The following HTRA1 variants were observed in gnomAD, a reference collection of about 807,000 sequenced individuals.
HTRA1 encodes the protein HtrA serine peptidase 1, also known as serine protease HTRA1.
In HTRA1, 26 loss-of-function variants were observed where a neutral mutation model predicts 49.7. That is an observed-to-expected ratio of 0.52 (90% CI 0.38 to 0.73). The LOEUF (loss-of-function observed/expected upper bound fraction) is 0.73, where lower values mean the gene tolerates loss of function less well. Ranked by LOEUF, HTRA1 falls within the 30% of genes least tolerant of loss-of-function variation. The probability of loss-of-function intolerance (pLI) is 0.00; values close to 1 mark genes in which losing one functional copy is unlikely to be tolerated. For synonymous variants in HTRA1, 291 were observed against 286.9 expected (o/e 1.01, Z -0.14); for missense variants, 561 against 667.2 (o/e 0.84, Z 1.75).
At chr10:122,484,340 G>A (rs1340118860) in intron 1 of HTRA1, among the ~76,000 whole-genome samples, 1 of 152,174 alleles carries the variant, frequency 6.6e-6, no homozygotes, top group Non-Finnish European at 1.5e-5. Flanking sequence ...TCTCCCTTCT[G>A]TAGTGTCTGT....
chr10:122,464,526 G>T lies in HTRA1; in HGVS notation c.472+2402G>T, dbSNP rs1671128636. On this transcript the variant is annotated intron_variant, in intron 1 of 8. Coordinates refer to ENST00000368984, the MANE Select transcript of HTRA1 (RefSeq NM_002775.5). The surrounding 1 kb of genome is among the most constrained non-coding windows in gnomAD (Gnocchi z 4.8). ...CTGTCTGGCACATCGGAGGTACTTG[G>T]TACGAGTGGATTAGTGAATGAATAA... Among the ~76,000 whole-genome samples, 1 of 152,224 alleles carries T rather than the reference G, an allele frequency of 6.6e-6. No homozygotes were observed. The highest frequency in any genetic ancestry group is 2.1e-4 in the South Asian group (1 of 4,824).
chr10:122,473,613 T>G (rs988402213), intron 1 of HTRA1, among the ~76,000 whole-genome samples: 9 of 152,178 alleles, frequency 5.9e-5, no homozygotes, highest in African/African-American at 1.9e-4. Context: ...ACTATAAAAT[T>G]TACCCCTTTA....
chr10:122,477,952 G>T (rs2097489385), intron 1 of HTRA1, among the ~76,000 whole-genome samples: 1 of 152,272 alleles, frequency 6.6e-6, no homozygotes, highest in African/African-American at 2.4e-5. Context: ...GACAGGGGAG[G>T]CGGATAAGCT....
At chr10:122,496,021 C>G (rs2097498431) in intron 3 of HTRA1, among the ~76,000 whole-genome samples, 2 of 152,086 alleles carry the variant, frequency 1.3e-5, no homozygotes, top group Admixed American at 1.3e-4. Flanking sequence ...GCCCGTGAAG[C>G]CAAAAATATT....
intron 3 of HTRA1, among the ~76,000 whole-genome samples, chr10:122,504,190 C>T (rs774963458): frequency 6.6e-6 from 1 of 152,206 alleles, no homozygotes; most frequent in Non-Finnish European, 1.5e-5. Flanking sequence ...GGCTCCCCCG[C>T]CCCAGCCTCA....
chr10:122,514,015 A>G (rs1174438314), intron 8 of HTRA1, among the ~76,000 whole-genome samples, 176 bp from the exon 9 acceptor site: 1 of 151,896 alleles, frequency 6.6e-6, no homozygotes, highest in Non-Finnish European at 1.5e-5. Flanking sequence ...CTGGGATTAC[A>G]GGCATGAGCC....
intron 3 of HTRA1, among the ~76,000 whole-genome samples, chr10:122,501,812 C>G (rs190204773): frequency 6.6e-6 from 1 of 151,970 alleles, no homozygotes; most frequent in Non-Finnish European, 1.5e-5. Flanking sequence ...ATGGTGGTGG[C>G]CGTCTTGTGG....
chr10:122,470,900 A>C (rs923804637), intron 1 of HTRA1, among the ~76,000 whole-genome samples: 16 of 152,170 alleles, frequency 1.1e-4, no homozygotes, highest in African/African-American at 3.4e-4. Flanking sequence ...TGTCCTACTG[A>C]GACATGATAG....
intron 3 of HTRA1, among the ~76,000 whole-genome samples, chr10:122,497,585 G>A (rs1245844627): frequency 1.3e-5 from 2 of 152,160 alleles, no homozygotes; most frequent in African/African-American, 2.4e-5. Context: ...GGAGATACAA[G>A]CTGTTCCCTT....
intron 1 of HTRA1, among the ~76,000 whole-genome samples, chr10:122,484,344 T>C (rs969935366): frequency 6.6e-6 from 1 of 152,176 alleles, no homozygotes; most frequent in African/African-American, 2.4e-5. Context: ...CCTTCTGTAG[T>C]GTCTGTGGGG....
At chr10:122,512,823 C>T (rs898536465) in intron 8 of HTRA1, among the ~76,000 whole-genome samples, 3 of 152,094 alleles carry the variant, frequency 2.0e-5, no homozygotes, top group Non-Finnish European at 4.4e-5. Flanking sequence ...ACACTGAACC[C>T]AATTTGTAGT....
At chr10:122,509,970 C>T (rs887586380) in intron 6 of HTRA1, 126 bp from the exon 7 acceptor site, 16 of 786,840 alleles carry the variant, frequency 2.0e-5, no homozygotes, top group South Asian at 7.1e-5. Flanking sequence ...GGATTTGAGC[C>T]GCAACCTCAG....
chr10:122,493,983 C>G (rs924427080), intron 3 of HTRA1, among the ~76,000 whole-genome samples: 1 of 152,126 alleles, frequency 6.6e-6, no homozygotes, highest in Non-Finnish European at 1.5e-5. Flanking sequence ...ATGCAGCCAA[C>G]CTTCCTGTCC....
chr10:122,468,238 C>T (rs1403430119), intron 1 of HTRA1, among the ~76,000 whole-genome samples: 1 of 152,136 alleles, frequency 6.6e-6, no homozygotes, highest in Non-Finnish European at 1.5e-5. Context: ...TGGGTGACTT[C>T]ATCTCTAAGT....
At chr10:122,505,497 C>T (rs2097502656) in intron 3 of HTRA1, among the ~76,000 whole-genome samples, 1 of 152,168 alleles carries the variant, frequency 6.6e-6, no homozygotes. Flanking sequence ...CCTGCTCTGT[C>T]TCGAGTCACC....
In HTRA1 at chr10:122,487,976, G is replaced by T. The variant is rs2097493813; in HGVS notation, c.473-926G>T. 6.6e-6 allele frequency among the ~76,000 whole-genome samples: 1 copy of T among 152,122 alleles called. No individual in the cohort carries two copies. Among genetic ancestry groups the T allele is most frequent in the South Asian group, 2.1e-4 (1 of 4,808 alleles). On this transcript the variant is annotated intron_variant, in intron 1 of 8. Transcript: ENST00000368984. This position sits in a 1 kb window ranked among gnomAD's most constrained non-coding sequence, Gnocchi z 4.8. ...CCCACAGTCTTAAGGCACCTCTTAT[G>T]CCTTTTGTCTGGGATGTCCCGGGCA... is the stretch of plus-strand genomic sequence containing the variant.
Position 122,487,528 on chromosome 10 carries a change from G to A in HTRA1, c.473-1374G>A, listed in dbSNP as rs184134404. 9.8e-5 allele frequency among the ~76,000 whole-genome samples: 15 copies of A among 152,294 alleles called. No individual in the cohort carries two copies. The East Asian group carries it at 1.7e-3, about 18-fold the overall frequency. On this transcript the variant is annotated intron_variant, in intron 1 of 8. Coordinates refer to ENST00000368984, the MANE Select transcript of HTRA1 (RefSeq NM_002775.5). The surrounding 1 kb of genome is among the most constrained non-coding windows in gnomAD (Gnocchi z 4.8). ...CCCTGCTGGGTGAGAGCCTCACATC[G>A]GGACATGTGACAGCTTTGTTGAAAG...
chr10:122,476,536 G>A (rs1040433941), intron 1 of HTRA1, among the ~76,000 whole-genome samples: 5 of 152,186 alleles, frequency 3.3e-5, no homozygotes, highest in East Asian at 1.9e-4. Context: ...GTTCAGTGGC[G>A]GGGACCCTGC....
chr10:122,512,091 C>T lies in HTRA1; in HGVS notation c.1274+26C>T, dbSNP rs373368463. 282 of 1,443,572 alleles carry T rather than the reference C, an allele frequency of 2.0e-4. 2 individuals are homozygous for T. Among genetic ancestry groups the T allele is most frequent in the Non-Finnish European group, 2.6e-4 (268 of 1,040,040 alleles). The allele number at this position is 1,443,572 out of a possible 1,614,324, so 89.4% of individuals were successfully genotyped here. A position where few individuals can be genotyped will look rare whatever the true frequency, so the allele number is the denominator to read the frequency against. Reference sequence around the variant, plus strand: ...GTGAGTTGGAGTCGTTTTCTCTTTTCCCAATATTCTTGTTGTTCCTGTGGG... The same window carrying T: ...GTGAGTTGGAGTCGTTTTCTCTTTTTCCAATATTCTTGTTGTTCCTGTGGG... On this transcript the variant is annotated intron_variant, in intron 8 of 8. Transcript: ENST00000368984.
Sources: allele counts gnomAD v4.1 joint callset (sites outside exome capture counted in the v4.1 genomes callset), GRCh38; gene constraint gnomAD v4.1.1; non-coding constraint Gnocchi (gnomAD v3.1); transcripts MANE v1.5; gene names NCBI Gene and HGNC (gene_info 2026-07-23, HGNC 2026-07-21).